TBK1: variants seen among roughly 807,000 people sequenced by gnomAD.
The protein encoded by TBK1 is TANK binding kinase 1, also known as serine/threonine-protein kinase TBK1.
A neutral mutation model predicts 99.9 loss-of-function variants in TBK1; 37 were observed. The ratio of observed to expected loss-of-function variants is 0.37; its 90% CI spans 0.28 to 0.49. The LOEUF (loss-of-function observed/expected upper bound fraction) is 0.49, where lower values mean the gene tolerates loss of function less well. Among genes scored for constraint, TBK1 ranks in the 20% least tolerant of loss-of-function variants. The pLI, the probability that TBK1 is intolerant of heterozygous loss-of-function variation, is 0.98. For missense variants in TBK1, 644 were observed against 872.5 expected (o/e 0.74, Z 3.30); for synonymous variants, 258 against 279.8 (o/e 0.92, Z 0.78).
At chr12:64,482,080 G>C in intron 8 of TBK1, 59 bp downstream of exon 8, 1 of 1,176,684 alleles carries the variant, frequency 8.5e-7, no homozygotes, top group Non-Finnish European at 1.1e-6. Flanking sequence ...ATTTTCCTAA[G>C]TTAGGAAAAG....
In TBK1 at chr12:64,486,137, TC is replaced by T. The variant is rs2136079626; in HGVS notation, c.1340+121del. 6.8e-6 allele frequency: 4 copies of T among 584,030 alleles called. No individual in the cohort carries two copies. The East Asian group carries it at 9.5e-5, about 14-fold the overall frequency. 36.2% of individuals were successfully genotyped at this position (584,030 alleles called of 1,614,324 possible). Reference sequence around the variant, plus strand: ...TGATTTTTATTATAATACATTTGTTTCACATTTAGTTTATAAAACATTTAGC... The same window carrying T: ...TGATTTTTATTATAATACATTTGTTTACATTTAGTTTATAAAACATTTAGC... On this transcript the variant is annotated intron_variant, in intron 11 of 20. Coordinates refer to ENST00000331710, the MANE Select transcript of TBK1 (RefSeq NM_013254.4).
chr12:64,456,767 A>G (rs1175971635), intron 2 of TBK1, among the ~76,000 whole-genome samples: 13 of 151,774 alleles, frequency 8.6e-5, no homozygotes, highest in Admixed American at 3.3e-4. Flanking sequence ...GTGTGAACCC[A>G]GGAGGCGGAG....
intron 18 of TBK1, 69 bp downstream of exon 18, chr12:64,497,328 G>A: frequency 8.6e-7 from 1 of 1,161,644 alleles, no homozygotes; most frequent in Admixed American, 2.6e-5. Flanking sequence ...TGACAAGGGA[G>A]AAATGGGATA....
At position 64,486,351 on chromosome 12, in the gene TBK1, T is replaced by C. The variant is rs147537760; in HGVS notation, c.1340+334T>C. On this transcript the variant is annotated intron_variant, in intron 11 of 20. Transcript: ENST00000331710. ...TGTTAGAATTCAGTACAATCTGTAC[T>C]TTCTAGCATTTAAGTCCTCAAAGTC... Among the ~76,000 whole-genome samples, 22 of 152,362 alleles carry C rather than the reference T, an allele frequency of 1.4e-4. 1 individual carries two copies. In the East Asian group the frequency reaches 3.3e-3, roughly 23 times the overall value.
At chr12:64,500,753 C>CTTTT (rs1009756107) in intron 20 of TBK1, among the ~76,000 whole-genome samples, 69 of 98,960 alleles carry the variant, frequency 7.0e-4, no homozygotes, top group Non-Finnish European at 7.6e-4. Flanking sequence ...AACTCGGTAT[C>CTTTT]TTTTTTTTTT....
In TBK1 at chr12:64,464,405, A is replaced by G; in HGVS notation, c.300A>G (p.Glu100=). The change falls in exon 4 of 21, where the codon GAA becomes GAG. Residue 100 remains glutamate, a synonymous_variant. Coordinates refer to ENST00000331710, the MANE Select transcript of TBK1 (RefSeq NM_013254.4). Reference sequence around the variant, plus strand: ...GGAGTTTATACACTGTTTTAGAAGAACCTTCTAATGCCTATGGACTACCAG... The same window carrying G: ...GGAGTTTATACACTGTTTTAGAAGAGCCTTCTAATGCCTATGGACTACCAG... ...PCGSLYTVLE[E]PSNAYGLPES... 1 of 1,607,684 alleles carries G rather than the reference A, an allele frequency of 6.2e-7. No individual in the cohort carries two copies. Among genetic ancestry groups the G allele is most frequent in the African/African-American group, 1.3e-5 (1 of 74,872 alleles).
At chr12:64,454,186 G>T (rs1195883986) in intron 1 of TBK1, among the ~76,000 whole-genome samples, 1 of 152,150 alleles carries the variant, frequency 6.6e-6, no homozygotes, top group Non-Finnish European at 1.5e-5. Context: ...AAGGAGGTAA[G>T]TAACAATATC....
intron 8 of TBK1, among the ~76,000 whole-genome samples, chr12:64,482,367 A>C (rs951724083): frequency 2.6e-5 from 4 of 152,214 alleles, no homozygotes; most frequent in African/African-American, 9.6e-5. Context: ...TGCCATGTTA[A>C]AATATCAAAG....
chr12:64,475,791 G>A (rs955764114), intron 6 of TBK1, among the ~76,000 whole-genome samples: 1 of 152,148 alleles, frequency 6.6e-6, no homozygotes, highest in Admixed American at 6.5e-5. Flanking sequence ...TTGATTCTAT[G>A]TGTTTGCTAT....
At chr12:64,473,203 T>C (rs2040678669) in intron 5 of TBK1, among the ~76,000 whole-genome samples, 2 of 152,160 alleles carry the variant, frequency 1.3e-5, no homozygotes, top group South Asian at 4.1e-4. Context: ...CTTTTAGATA[T>C]CGAGAGAATA....
intron 19 of TBK1, 70 bp from the exon 20 acceptor site, chr12:64,497,893 GAAAAT>G (rs2040946408): frequency 3.4e-6 from 5 of 1,481,026 alleles, no homozygotes; most frequent in Non-Finnish European, 4.7e-6. Context: ...CCAGTTAAAA[GAAAAT>G]AAAACATAAA....
In TBK1 at chr12:64,490,062, C is replaced by G. The variant is rs1334132006; in HGVS notation, c.1464C>G (p.Ile488Met). The G allele has an allele frequency of 6.2e-7, 1 of 1,608,842 alleles. No individual in the cohort carries two copies. Among genetic ancestry groups the G allele is most frequent in the East Asian group, 2.2e-5 (1 of 44,636 alleles). The change falls in exon 13 of 21, where the codon ATC (isoleucine) becomes ATG (methionine). Residue 488 changes from isoleucine to methionine, a missense_variant. Around this residue, in one of 3 missense-constraint regions of TBK1, gnomAD observed 465 missense variants for 588.0 expected, o/e 0.79. Transcript: ENST00000331710. ...ACAGATATGAAAAGTTGATGAAGAT[C>G]AACCTGGAAGCGGCAGAGTTAGGTG... ...TVKVYEKLMK[I>M]NLEAAELGEI...
intron 5 of TBK1, among the ~76,000 whole-genome samples, chr12:64,472,075 G>C (rs2040667666): frequency 1.3e-5 from 2 of 151,144 alleles, no homozygotes; most frequent in South Asian, 4.2e-4. Context: ...CACTTCTTTG[G>C]ACAATAATCA....
At chr12:64,481,273 T>G (rs1208327033) in intron 7 of TBK1, among the ~76,000 whole-genome samples, 1 of 152,114 alleles carries the variant, frequency 6.6e-6, no homozygotes, top group African/African-American at 2.4e-5. Flanking sequence ...ATCAAAAAAA[T>G]CTGATGATCT....
chr12:64,483,310 A>G (rs2040786073), intron 8 of TBK1, among the ~76,000 whole-genome samples: 2 of 152,184 alleles, frequency 1.3e-5, no homozygotes, highest in Non-Finnish European at 2.9e-5. Flanking sequence ...AAAACAAAAA[A>G]TTTTCAAAAG....
intron 3 of TBK1, among the ~76,000 whole-genome samples, chr12:64,462,099 G>C (rs2040554012): frequency 1.3e-5 from 2 of 152,114 alleles, no homozygotes; most frequent in South Asian, 4.1e-4. Flanking sequence ...CAGAAGTTTG[G>C]GGTAATTCCT....
chr12:64,498,931 G>C (rs1169269068), intron 20 of TBK1, among the ~76,000 whole-genome samples: 2 of 150,672 alleles, frequency 1.3e-5, no homozygotes, highest in African/African-American at 4.9e-5. Context: ...ACTCCAGCCT[G>C]GGTGACAGAG....
Position 64,488,469 on chromosome 12 carries a change from A to G in TBK1, c.1341-18A>G, listed in dbSNP as rs2040838831. 2.0e-6 allele frequency: 3 copies of G among 1,466,150 alleles called. No individual in the cohort carries two copies. Among genetic ancestry groups the G allele is most frequent in the Non-Finnish European group, 2.8e-6 (3 of 1,082,276 alleles). 90.8% of individuals were successfully genotyped at this position (1,466,150 alleles called of 1,614,324 possible). A position where few individuals can be genotyped will look rare whatever the true frequency, so the allele number is the denominator to read the frequency against. On this transcript the variant is annotated intron_variant, in intron 11 of 20. Transcript: ENST00000331710. ...TAACTCCTTAGATAAACTAATTAGA[A>G]TAATTTTCTTTTTTTAGTGAATTAA...
At chr12:64,483,538 C>G (rs1345787335) in intron 8 of TBK1, among the ~76,000 whole-genome samples, 1 of 152,154 alleles carries the variant, frequency 6.6e-6, no homozygotes, top group African/African-American at 2.4e-5. Context: ...CACAACAATT[C>G]TGTGAAGTGG....
Sources: allele counts gnomAD v4.1 joint callset (sites outside exome capture counted in the v4.1 genomes callset), GRCh38; gene constraint gnomAD v4.1.1; regional missense constraint gnomAD v4.1.1; transcripts MANE v1.5; gene names NCBI Gene and HGNC (gene_info 2026-07-23, HGNC 2026-07-21).